Variants in DCC observed in about 807,000 individuals in gnomAD.
DCC encodes netrin receptor DCC.
Under a neutral mutation model 172.5 loss-of-function variants are expected in DCC, and 58 were observed. The ratio of observed to expected loss-of-function variants is 0.34; its 90% CI spans 0.27 to 0.42. The LOEUF (loss-of-function observed/expected upper bound fraction) is 0.42. DCC is among the 10% of genes least tolerant of loss of function. The probability of loss-of-function intolerance (pLI) is 1.00; values close to 1 mark genes in which losing one functional copy is unlikely to be tolerated. For missense variants in DCC, 1,740 were observed against 1,791.0 expected (o/e 0.97, Z 0.51); for synonymous variants, 709 against 644.5 (o/e 1.10, Z -1.52).
chr18:53,509,459 A>G (rs1429958463), intron 27 of DCC, among the ~76,000 whole-genome samples: 1 of 152,218 alleles, frequency 6.6e-6, no homozygotes, highest in Admixed American at 6.5e-5. Flanking sequence ...ATTTAGATTT[A>G]GCAGATCTAG....
At chr18:52,909,095 G>C (rs192028053) in intron 3 of DCC, among the ~76,000 whole-genome samples, 6 of 152,216 alleles carry the variant, frequency 3.9e-5, no homozygotes, top group Non-Finnish European at 8.8e-5. Context: ...ATGAATGAAT[G>C]AATGAATGAA....
intron 1 of DCC, among the ~76,000 whole-genome samples, chr18:52,708,875 A>G (rs534784380): frequency 6.6e-6 from 1 of 152,372 alleles, no homozygotes; most frequent in African/African-American, 2.4e-5. Context: ...AAGTAGGCCA[A>G]GAACCCTGGC....
intron 1 of DCC, among the ~76,000 whole-genome samples, chr18:52,602,941 T>C (rs1253411546): frequency 6.6e-6 from 1 of 152,038 alleles, no homozygotes. Context: ...ATGCAAAGTA[T>C]AGAGGATAGA....
intron 1 of DCC, among the ~76,000 whole-genome samples, chr18:52,503,921 C>T (rs2031125575): frequency 6.6e-6 from 1 of 152,090 alleles, no homozygotes; most frequent in South Asian, 2.1e-4. Flanking sequence ...CCCTTCTCTG[C>T]CATGGGGAAA....
intron 1 of DCC, among the ~76,000 whole-genome samples, chr18:52,418,211 A>C (rs1273424127): frequency 6.6e-6 from 1 of 152,212 alleles, no homozygotes; most frequent in African/African-American, 2.4e-5. Flanking sequence ...GAAAAAGAGA[A>C]ATCTTAATTT....
intron 1 of DCC, among the ~76,000 whole-genome samples, chr18:52,527,982 T>G (rs1469627054): frequency 6.6e-6 from 1 of 152,160 alleles, no homozygotes; most frequent in Non-Finnish European, 1.5e-5. Flanking sequence ...TTTGCCTGCC[T>G]TTCCAAAGCC....
intron 1 of DCC, among the ~76,000 whole-genome samples, chr18:52,737,131 C>A (rs1410192073): frequency 6.6e-6 from 1 of 152,088 alleles, no homozygotes; most frequent in Non-Finnish European, 1.5e-5. Context: ...GAGACCATGT[C>A]TTTGCTTTGA....
At chr18:52,788,070 A>C (rs925731695) in intron 2 of DCC, among the ~76,000 whole-genome samples, 2 of 152,208 alleles carry the variant, frequency 1.3e-5, no homozygotes, top group African/African-American at 4.8e-5. Flanking sequence ...ATTTATAAAA[A>C]GACCATATAA....
chr18:53,503,565 A>T (rs1350161761), intron 27 of DCC, among the ~76,000 whole-genome samples: 1 of 152,318 alleles, frequency 6.6e-6, no homozygotes, highest in African/African-American at 2.4e-5. Flanking sequence ...TTGATAGAGT[A>T]TTGGGCTTAT....
At chr18:53,488,883 G>A (rs1297954297) in intron 26 of DCC, among the ~76,000 whole-genome samples, 1 of 152,054 alleles carries the variant, frequency 6.6e-6, no homozygotes, top group Non-Finnish European at 1.5e-5. Flanking sequence ...ATTGGGCCAG[G>A]CGAGGTGGCT....
rs1454470398 is a variant in DCC, at chr18:52,788,795, A to G, written c.412+36421A>G. On this transcript the variant is annotated intron_variant, in intron 2 of 28. Coordinates refer to ENST00000442544, the MANE Select transcript of DCC (RefSeq NM_005215.4). ...ATAAAAAACAGGCACAGCTGAAGGC[A>G]AAGACAGACCCCCCAAAAATATTGG... Among the ~76,000 whole-genome samples the G allele has an allele frequency of 3.3e-5, 5 of 152,174 alleles. No individual in the cohort carries two copies. In the East Asian group the frequency reaches 9.7e-4, roughly 29 times the overall value.
At chr18:53,326,131 T>G (rs1568058015) in intron 14 of DCC, among the ~76,000 whole-genome samples, 1 of 152,204 alleles carries the variant, frequency 6.6e-6, no homozygotes, top group Non-Finnish European at 1.5e-5. Flanking sequence ...TCTTATGTTT[T>G]CTTATGGATG....
chr18:52,369,808 C>A (rs1053438807), intron 1 of DCC, among the ~76,000 whole-genome samples: 1 of 151,882 alleles, frequency 6.6e-6, no homozygotes, highest in Non-Finnish European at 1.5e-5. Context: ...AATGCAATTA[C>A]CAGAGTGAAT....
Position 53,448,107 on chromosome 18 carries a change from C to T in DCC, c.3230-2393C>T, listed in dbSNP as rs528576178. Among the ~76,000 whole-genome samples the T allele has an allele frequency of 8.1e-5, 11 of 135,710 alleles. No individual in the cohort carries two copies. The East Asian group carries it at 1.1e-3, about 14-fold the overall frequency. 89.0% of individuals were successfully genotyped at this position (135,710 alleles called of 152,430 possible). ...GATTCTTAGGCAACTTGTCAAAAGA[C>T]GTCATTTCAGTTTTGAGGCAAGTAC... On this transcript the variant is annotated intron_variant, in intron 22 of 28. Transcript: ENST00000442544.
At chr18:53,458,674 T>C (rs748680147) in intron 23 of DCC, among the ~76,000 whole-genome samples, 31 of 152,262 alleles carry the variant, frequency 2.0e-4, no homozygotes, top group South Asian at 2.1e-4. Flanking sequence ...CACTCAGTGA[T>C]GCCAAGGCAA....
intron 1 of DCC, among the ~76,000 whole-genome samples, chr18:52,603,437 G>C (rs899478961): frequency 6.6e-6 from 1 of 151,884 alleles, no homozygotes. Flanking sequence ...TAAAGAAAAG[G>C]AGAATAGGAA....
intron 14 of DCC, among the ~76,000 whole-genome samples, chr18:53,324,130 A>T (rs1398433268): frequency 6.6e-6 from 1 of 152,194 alleles, no homozygotes; most frequent in Admixed American, 6.5e-5. Context: ...TAAGTAGGCA[A>T]ACCCAGGCAA....
At chr18:52,792,906 A>G (rs2037803946) in intron 2 of DCC, among the ~76,000 whole-genome samples, 1 of 72,446 alleles carries the variant, frequency 1.4e-5, no homozygotes, top group Admixed American at 1.1e-4. Context: ...GTTTTTCTCC[A>G]TATTTACCAC....
chr18:53,189,095 T>C (rs1055440722), intron 9 of DCC, among the ~76,000 whole-genome samples: 2 of 152,204 alleles, frequency 1.3e-5, no homozygotes, highest in African/African-American at 4.8e-5. Flanking sequence ...AGATTCTTAG[T>C]ACGATTCAAT....
Sources: allele counts gnomAD v4.1 joint callset (sites outside exome capture counted in the v4.1 genomes callset), GRCh38; gene constraint gnomAD v4.1.1; transcripts MANE v1.5; gene names NCBI Gene and HGNC (gene_info 2026-07-23, HGNC 2026-07-21).